The following PDE4D variants were observed in gnomAD, a reference collection of about 807,000 sequenced individuals.
PDE4D encodes the protein 3',5'-cyclic-AMP phosphodiesterase 4D.
A neutral mutation model predicts 87.4 loss-of-function variants in PDE4D; 24 were observed. That is an observed-to-expected ratio of 0.27 (90% CI 0.20 to 0.39). The LOEUF (loss-of-function observed/expected upper bound fraction) is 0.39, where lower values mean the gene tolerates loss of function less well. PDE4D is among the 10% of genes least tolerant of loss of function. The pLI is 1.00. For missense variants in PDE4D, 714 were observed against 1,041.0 expected, an observed-to-expected ratio of 0.69 and a Z score of 4.32; for synonymous variants, 384 against 383.2, an observed-to-expected ratio of 1.00 and a Z score of -0.02.
intron 1 of PDE4D, among the ~76,000 whole-genome samples, chr5:59,336,373 T>C (rs548194151): frequency 3.3e-5 from 5 of 152,362 alleles, no homozygotes; most frequent in African/African-American, 9.6e-5. Context: ...GAGCTATTTT[T>C]GGATTGTTTC....
intron 2 of PDE4D, among the ~76,000 whole-genome samples, chr5:60,128,751 G>C (rs1227216355): frequency 7.2e-5 from 11 of 152,084 alleles, no homozygotes; most frequent in Admixed American, 6.6e-4. Flanking sequence ...AACTCAGAGG[G>C]GCAGCATTTA....
intron 3 of PDE4D, among the ~76,000 whole-genome samples, chr5:59,942,294 C>A (rs1171369140): frequency 6.6e-6 from 1 of 152,108 alleles, no homozygotes; most frequent in African/African-American, 2.4e-5. Flanking sequence ...GATGTTATGC[C>A]AAAAGTCTTC....
chr5:60,004,426 A>G (rs1395560363), intron 2 of PDE4D, among the ~76,000 whole-genome samples: 1 of 152,184 alleles, frequency 6.6e-6, no homozygotes, highest in Non-Finnish European at 1.5e-5. Context: ...TATGTTATTT[A>G]TAATACTAAT....
At chr5:60,414,326 T>C (rs1742301231) in intron 1 of PDE4D, among the ~76,000 whole-genome samples, 1 of 152,250 alleles carries the variant, frequency 6.6e-6, no homozygotes, top group Non-Finnish European at 1.5e-5. Flanking sequence ...AAAATTGATA[T>C]TATTGAGTAT....
At chr5:59,299,154 G>A (rs949818831) in intron 1 of PDE4D, among the ~76,000 whole-genome samples, 7 of 152,180 alleles carry the variant, frequency 4.6e-5, no homozygotes, top group Non-Finnish European at 7.3e-5. Flanking sequence ...TTTAATTCCT[G>A]TGAGTCTTGG....
intron 1 of PDE4D, among the ~76,000 whole-genome samples, chr5:59,804,960 T>A (rs1767578705): frequency 6.6e-6 from 1 of 151,978 alleles, no homozygotes; most frequent in Non-Finnish European, 1.5e-5. Context: ...CCTGGCTAAT[T>A]TTTTGTATTT....
At chr5:59,623,246 T>C (rs1342851158) in intron 1 of PDE4D, among the ~76,000 whole-genome samples, 2 of 152,226 alleles carry the variant, frequency 1.3e-5, no homozygotes, top group Non-Finnish European at 2.9e-5. Context: ...TTCCTGTACC[T>C]CTAGTACAGT....
intron 1 of PDE4D, among the ~76,000 whole-genome samples, chr5:59,223,268 C>T (rs761970867): frequency 6.6e-6 from 1 of 152,168 alleles, no homozygotes; most frequent in Non-Finnish European, 1.5e-5. Context: ...GTGTGGAAGG[C>T]TTGGAGGTCC....
chr5:59,402,226 T>G (rs1171952190), intron 1 of PDE4D, among the ~76,000 whole-genome samples: 2 of 152,250 alleles, frequency 1.3e-5, no homozygotes, highest in Non-Finnish European at 2.9e-5. Flanking sequence ...ACTATTGTGA[T>G]AGAGTGACCT....
chr5:59,039,342 G>C (rs1234944652), intron 5 of PDE4D: 2 of 1,037,682 alleles, frequency 1.9e-6, no homozygotes, highest in Non-Finnish European at 1.2e-6. Context: ...GGATGGCGAG[G>C]GGGTGGCGAG....
At chr5:59,430,992 G>C (rs1235928730) in intron 1 of PDE4D, among the ~76,000 whole-genome samples, 1 of 151,958 alleles carries the variant, frequency 6.6e-6, no homozygotes, top group Non-Finnish European at 1.5e-5. Flanking sequence ...AAAAATTGTG[G>C]GTTCTTATTC....
At chr5:59,413,009 GA>G (rs1792957057) in intron 1 of PDE4D, among the ~76,000 whole-genome samples, 1 of 152,156 alleles carries the variant, frequency 6.6e-6, no homozygotes, top group Admixed American at 6.5e-5. Flanking sequence ...AAAGCATTTG[GA>G]GGAAAATTAT....
At chr5:59,173,709 G>A (rs532214993) in intron 5 of PDE4D, among the ~76,000 whole-genome samples, 1 of 152,138 alleles carries the variant, frequency 6.6e-6, no homozygotes, top group African/African-American at 2.4e-5. Context: ...TTCTATTAAA[G>A]GAAAAAAAGA....
intron 1 of PDE4D, among the ~76,000 whole-genome samples, chr5:59,668,804 A>AAAGAAGAAGAAGAAGAAG (rs569736039): frequency 1.8e-5 from 2 of 108,210 alleles, no homozygotes; most frequent in Admixed American, 9.2e-5. Context: ...GAAGAAGAAG[A>AAAGAAGAAGAAGAAGAAG]AAGAAGAAGA....
intron 1 of PDE4D, among the ~76,000 whole-genome samples, chr5:59,801,177 G>A (rs1428123613): frequency 2.0e-5 from 3 of 152,134 alleles, no homozygotes; most frequent in African/African-American, 7.2e-5. Context: ...GTCATAGCTT[G>A]AGTGTTGAAG....
chr5:60,424,431 C>T (rs1320767129), intron 1 of PDE4D, among the ~76,000 whole-genome samples: 1 of 152,148 alleles, frequency 6.6e-6, no homozygotes, highest in Non-Finnish European at 1.5e-5. Flanking sequence ...ATGACAAAAA[C>T]CACATGATTA....
chr5:60,485,262 C>T lies in PDE4D; in HGVS notation c.-90+2680G>A, dbSNP rs76392190. Among the ~76,000 whole-genome samples the T allele has an allele frequency of 5.1e-3, 772 of 152,150 alleles. 7 individuals carry two copies. Among genetic ancestry groups the T allele is most frequent in the African/African-American group, 0.017 (717 of 41,518 alleles). Reference sequence around the variant, plus strand: ...TTTTTAAAAACATGCTCAAGGTAGACAGCAACTCTTTTGAAAACACAAAGT... The same window carrying T: ...TTTTTAAAAACATGCTCAAGGTAGATAGCAACTCTTTTGAAAACACAAAGT... On this transcript the variant is annotated intron_variant, in intron 1 of 16. Transcript: ENST00000502484.
At chr5:60,263,177 C>G (rs1432399985) in intron 1 of PDE4D, among the ~76,000 whole-genome samples, 3 of 152,156 alleles carry the variant, frequency 2.0e-5, no homozygotes, top group African/African-American at 2.4e-5. Context: ...GGCTTAGGAC[C>G]AATCATCCCA....
chr5:59,245,442 C>T (rs1758663915), intron 1 of PDE4D, among the ~76,000 whole-genome samples: 2 of 152,134 alleles, frequency 1.3e-5, no homozygotes, highest in Non-Finnish European at 2.9e-5. Flanking sequence ...GACATGAAGG[C>T]AGCCAGGAAA....
Sources: allele counts gnomAD v4.1 joint callset (sites outside exome capture counted in the v4.1 genomes callset), GRCh38; gene constraint gnomAD v4.1.1; transcripts MANE v1.5; gene names NCBI Gene and HGNC (gene_info 2026-07-23, HGNC 2026-07-21).